Variants in MAPK10 observed in about 807,000 individuals in gnomAD.
MAPK10 encodes JNK3 alpha protein kinase.
Under a neutral mutation model 59.3 loss-of-function variants are expected in MAPK10, and 25 were observed. The observed-to-expected ratio is 0.42, with a 90% CI of 0.31 to 0.59. MAPK10 has a LOEUF of 0.59. Ranked by LOEUF, MAPK10 falls within the 20% of genes least tolerant of loss-of-function variation. The pLI, the probability that MAPK10 is intolerant of heterozygous loss-of-function variation, is 0.15. For synonymous variants in MAPK10, 190 were observed against 200.5 expected (o/e 0.95, Z 0.44); for missense variants, 351 against 568.9 (o/e 0.62, Z 3.90).
At chr4:86,437,084 G>T (rs1367254589) in intron 1 of MAPK10, among the ~76,000 whole-genome samples, 1 of 151,944 alleles carries the variant, frequency 6.6e-6, no homozygotes, top group Non-Finnish European at 1.5e-5. Context: ...CGTGGTGGCA[G>T]GCACCTGTAG....
chr4:86,289,379 AT>A (rs2095144689), intron 2 of MAPK10, among the ~76,000 whole-genome samples: 1 of 152,056 alleles, frequency 6.6e-6, no homozygotes, highest in Non-Finnish European at 1.5e-5. Flanking sequence ...ATATGATCAG[AT>A]TTTTATTTTT....
chr4:86,475,959 C>T (rs1401434814), intron 1 of MAPK10, among the ~76,000 whole-genome samples: 3 of 152,122 alleles, frequency 2.0e-5, no homozygotes, highest in Non-Finnish European at 2.9e-5. Flanking sequence ...AATACAAACT[C>T]GACAGTGGTT....
chr4:86,149,666 T>C (rs1177035645), intron 4 of MAPK10, among the ~76,000 whole-genome samples: 2 of 152,216 alleles, frequency 1.3e-5, no homozygotes, highest in East Asian at 3.8e-4. Context: ...CCAGGCCAGC[T>C]ACAATAATGA....
At chr4:86,155,209 T>A (rs894626437) in intron 4 of MAPK10, among the ~76,000 whole-genome samples, 1 of 151,950 alleles carries the variant, frequency 6.6e-6, no homozygotes, top group African/African-American at 2.4e-5. Context: ...AAGAAGAATA[T>A]GTGAACACCT....
chr4:86,325,282 CCCAGGCA>C (rs2095997793), intron 2 of MAPK10, among the ~76,000 whole-genome samples: 2 of 152,140 alleles, frequency 1.3e-5, no homozygotes, highest in African/African-American at 4.8e-5. Context: ...TTACTGGGTG[CCCAGGCA>C]CTTTTACATG....
At chr4:86,451,078 G>A (rs1750642354) in intron 1 of MAPK10, among the ~76,000 whole-genome samples, 1 of 152,104 alleles carries the variant, frequency 6.6e-6, no homozygotes, top group Admixed American at 6.5e-5. Context: ...GATTTACAAG[G>A]TAACAAAGGC....
At chr4:86,372,180 A>G (rs1578953288) in intron 1 of MAPK10, among the ~76,000 whole-genome samples, 1 of 152,152 alleles carries the variant, frequency 6.6e-6, no homozygotes, top group South Asian at 2.1e-4. Context: ...CATAACAAAC[A>G]GTCTCTCAGA....
intron 2 of MAPK10, among the ~76,000 whole-genome samples, chr4:86,331,124 T>C (rs1266917274): frequency 2.0e-5 from 3 of 152,158 alleles, no homozygotes; most frequent in Non-Finnish European, 4.4e-5. Flanking sequence ...TACCCATCTT[T>C]ATAAGGAAGC....
intron 2 of MAPK10, among the ~76,000 whole-genome samples, chr4:86,279,086 C>T (rs964699675): frequency 2.0e-5 from 3 of 151,976 alleles, no homozygotes; most frequent in Admixed American, 6.6e-5. Context: ...TTTGGGGAAG[C>T]TGGGTGAAGA....
chr4:86,485,574 A>T (rs1230959985), intron 1 of MAPK10, among the ~76,000 whole-genome samples: 1 of 152,256 alleles, frequency 6.6e-6, no homozygotes, highest in Admixed American at 6.5e-5. Context: ...AACCAAAAGG[A>T]ATCAGGAGTC....
intron 1 of MAPK10, among the ~76,000 whole-genome samples, chr4:86,547,366 G>A (rs888568908): frequency 3.3e-5 from 5 of 152,370 alleles, no homozygotes; most frequent in Admixed American, 6.5e-5. Flanking sequence ...CCGGGTGGGC[G>A]TGGGCTCTGC....
intron 3 of MAPK10, among the ~76,000 whole-genome samples, chr4:86,186,759 A>C (rs1414823580): frequency 2.0e-5 from 3 of 152,120 alleles, no homozygotes; most frequent in Admixed American, 6.6e-5. Flanking sequence ...AAAAGAAAGC[A>C]CTGTCAATTA....
intron 2 of MAPK10, among the ~76,000 whole-genome samples, chr4:86,291,049 A>T (rs1290002113): frequency 6.6e-6 from 1 of 152,194 alleles, no homozygotes; most frequent in Non-Finnish European, 1.5e-5. Flanking sequence ...ATAATACAGC[A>T]TGGTAAGTGC....
At position 86,485,283 on chromosome 4, in the gene MAPK10, T is replaced by G. The variant is rs1288971065; in HGVS notation, c.-263+108627A>C. Among the ~76,000 whole-genome samples the G allele has an allele frequency of 1.3e-5, 2 of 152,228 alleles. 1 individual carries two copies. Among genetic ancestry groups the G allele is most frequent in the East Asian group, 3.8e-4 (2 of 5,198 alleles). On this transcript the variant is annotated intron_variant, in intron 1 of 4. Coordinates refer to the MAPK10 transcript ENST00000502302. ...CTCCTCTTACACTTTCTTATATGTA[T>G]ATTCTTGGGAGCACAATTGTAGTGT... is the stretch of plus-strand genomic sequence containing the variant.
At chr4:86,475,243 C>A (rs1683549076) in intron 1 of MAPK10, among the ~76,000 whole-genome samples, 1 of 152,158 alleles carries the variant, frequency 6.6e-6, no homozygotes, top group Non-Finnish European at 1.5e-5. Context: ...GGTGCCATGA[C>A]TCGGATCAGG....
intron 1 of MAPK10, among the ~76,000 whole-genome samples, chr4:86,401,861 T>G (rs2149017884): frequency 6.6e-6 from 1 of 152,304 alleles, no homozygotes; most frequent in African/African-American, 2.4e-5. Flanking sequence ...TCAGTGGTGC[T>G]GAAGGTCCAT....
intron 9 of MAPK10, 138 bp from the exon 10 acceptor site, chr4:86,068,093 A>G: frequency 3.8e-6 from 2 of 520,648 alleles, no homozygotes; most frequent in South Asian, 4.8e-5. Flanking sequence ...ATGAAAATAT[A>G]AAATCAGACT....
intron 2 of MAPK10, among the ~76,000 whole-genome samples, chr4:86,212,369 A>C (rs888648360): frequency 6.6e-6 from 1 of 152,030 alleles, no homozygotes; most frequent in Non-Finnish European, 1.5e-5. Context: ...AAAAAATTAT[A>C]AAATTAGCTG....
chr4:86,240,660 C>A (rs1319057349), intron 2 of MAPK10, among the ~76,000 whole-genome samples: 1 of 150,594 alleles, frequency 6.6e-6, no homozygotes. Context: ...GGATTGCAAC[C>A]CGTGCCTTTT....
Sources: allele counts gnomAD v4.1 joint callset (sites outside exome capture counted in the v4.1 genomes callset), GRCh38; gene constraint gnomAD v4.1.1; transcripts MANE v1.5; gene names NCBI Gene and HGNC (gene_info 2026-07-23, HGNC 2026-07-21).